Variants in TNRC6C observed in about 807,000 individuals in gnomAD.
The protein encoded by TNRC6C is trinucleotide repeat-containing gene 6C protein.
Under a neutral mutation model 153.7 loss-of-function variants are expected in TNRC6C, and 20 were observed. That is an observed-to-expected ratio of 0.13 (90% confidence interval 0.09 to 0.19). TNRC6C has a LOEUF of 0.19. Ranked by LOEUF, TNRC6C falls within the 10% of genes least tolerant of loss-of-function variation. TNRC6C has a pLI of 1.00. For missense variants in TNRC6C, 1,987 were observed against 2,172.0 expected, an observed-to-expected ratio of 0.91 and a Z score of 1.69; for synonymous variants, 811 against 841.4, an observed-to-expected ratio of 0.96 and a Z score of 0.63.
upstream of TNRC6C, among the ~76,000 whole-genome samples, chr17:77,999,318 G>A (rs1006805012): frequency 6.6e-6 from 1 of 152,208 alleles, no homozygotes; most frequent in Non-Finnish European, 1.5e-5. Flanking sequence ...GCATGGCTGT[G>A]ATTGGGGCCC....
chr17:78,008,432 C>T (rs1184778185), intron 1 of TNRC6C: 1 of 152,240 alleles, frequency 6.6e-6, no homozygotes, highest in Admixed American at 6.5e-5. Flanking sequence ...TTCATACCCC[C>T]ATCCTACCCT....
chr17:78,102,401 A>G (rs1250326060), intron 17 of TNRC6C, 73 bp from the exon 21 acceptor site: 19 of 1,388,064 alleles, frequency 1.4e-5, no homozygotes, highest in Middle Eastern at 2.1e-4. Context: ...CTTCAGCACA[A>G]TAAGAAGTGG....
At chr17:77,993,603 A>G (rs1000620903) in intron 1 of TNRC6C, among the ~76,000 whole-genome samples, 6 of 152,202 alleles carry the variant, frequency 3.9e-5, no homozygotes, top group South Asian at 2.1e-4. Context: ...ATGAATGACT[A>G]AAGACTAAAC....
chr17:78,050,849 G>C (rs779844085), exon 3 of TNRC6C: 44 of 1,613,826 alleles, frequency 2.7e-5, no homozygotes, highest in Non-Finnish European at 3.7e-5. Context: ...AGTGCAGGAG[G>C]GGGAGATTGG....
intron 11 of TNRC6C, among the ~76,000 whole-genome samples, chr17:78,084,621 C>CTTTTT (rs888498648): frequency 2.2e-5 from 3 of 134,196 alleles, no homozygotes; most frequent in Non-Finnish European, 4.8e-5. Flanking sequence ...TTTTCTTTTT[C>CTTTTT]TTTTTTTTTT....
chr17:78,068,679 A>C (rs2072929888), intron 5 of TNRC6C, among the ~76,000 whole-genome samples: 1 of 152,202 alleles, frequency 6.6e-6, no homozygotes, highest in South Asian at 2.1e-4. Flanking sequence ...CTGTAATCCC[A>C]GCTACTCGGG....
chr17:78,107,135 C>T (rs944372570), exon 20 of TNRC6C: 2 of 152,158 alleles, frequency 1.3e-5, no homozygotes, highest in South Asian at 4.1e-4. Context: ...GTATGTGCGT[C>T]CGACATACCA....
At chr17:77,976,931 GAAAAAAAAAAAAAAA>G (rs57726847) in intron 1 of TNRC6C, among the ~76,000 whole-genome samples, 10 of 46,582 alleles carry the variant, frequency 2.1e-4, no homozygotes, top group South Asian at 9.6e-4. Flanking sequence ...CTCCATCTCA[GAAAAAAAAAAAAAAA>G]AAAAAAAAAA....
Position 78,049,713 on chromosome 17 carries a change from C to G in TNRC6C, c.651C>G (p.Ile217Met), listed in dbSNP as rs745847929. The change falls in exon 3 of 20, where the codon ATC (isoleucine) becomes ATG (methionine). Residue 217 changes from isoleucine (I) to methionine (M), a missense_variant. By Grantham distance (10) the Ile-to-Met change is conservative. Transcript: ENST00000301624. This position sits in a 1 kb window ranked among gnomAD's most constrained non-coding sequence, Gnocchi z 4.1. ...GCATGGCTGTTGGTATGGGGGCCATCATCCCGCCCCACCTGCAAGGCCTTC... is the reference window on the plus strand; with the variant it reads ...GCATGGCTGTTGGTATGGGGGCCATGATCCCGCCCCACCTGCAAGGCCTTC... The G allele has an allele frequency of 6.3e-6, 10 of 1,599,386 alleles. No homozygotes were observed. Among genetic ancestry groups the G allele is most frequent in the Non-Finnish European group, 7.7e-6 (9 of 1,171,182 alleles).
chr17:78,105,087 T>C (rs1430000604), exon 20 of TNRC6C: 5 of 420,958 alleles, frequency 1.2e-5, no homozygotes, highest in East Asian at 3.6e-5. Context: ...GTGCGTCTTA[T>C]GTTTGTATAG....
upstream of TNRC6C, chr17:77,959,223 A>C (rs1206527552): frequency 2.1e-5 from 3 of 140,300 alleles, no homozygotes; most frequent in Non-Finnish European, 3.1e-5. Flanking sequence ...GGCCCGCGCC[A>C]CCGGAGCCCC....
At chr17:77,992,182 G>A (rs1432809321) in intron 1 of TNRC6C, among the ~76,000 whole-genome samples, 1 of 152,162 alleles carries the variant, frequency 6.6e-6, no homozygotes, top group Non-Finnish European at 1.5e-5. Flanking sequence ...AGGATTGTTT[G>A]ATTTTCTAAG....
At chr17:78,007,965 T>G (rs1322058010) in intron 1 of TNRC6C, among the ~76,000 whole-genome samples, 1 of 152,240 alleles carries the variant, frequency 6.6e-6, no homozygotes, top group Non-Finnish European at 1.5e-5. Flanking sequence ...AATTTGGATT[T>G]GTTTTAAACA....
At chr17:78,026,503 C>T (rs2071944130) in intron 1 of TNRC6C, among the ~76,000 whole-genome samples, 1 of 152,142 alleles carries the variant, frequency 6.6e-6, no homozygotes, top group Non-Finnish European at 1.5e-5. Flanking sequence ...TAATATGCAT[C>T]CCAGTTTCAG....
At chr17:78,092,046 T>C (rs1170283694) in intron 14 of TNRC6C, among the ~76,000 whole-genome samples, 1 of 152,204 alleles carries the variant, frequency 6.6e-6, no homozygotes, top group Non-Finnish European at 1.5e-5. Flanking sequence ...CAGTCTGTCT[T>C]ACTCCAAACT....
chr17:77,959,173 C>G (rs2070839141), upstream of TNRC6C: 1 of 145,842 alleles, frequency 6.9e-6, no homozygotes, highest in Non-Finnish European at 1.5e-5. Context: ...CGCGCACTCC[C>G]GAGGCCCTCG....
At chr17:77,982,473 GAAATA>G (rs571547698) in intron 1 of TNRC6C, among the ~76,000 whole-genome samples, 1 of 151,844 alleles carries the variant, frequency 6.6e-6, no homozygotes, top group Non-Finnish European at 1.5e-5. Flanking sequence ...AAGGAGAAAG[GAAATA>G]AAATAATAAA....
chr17:78,096,593 A>G (rs1375183984), intron 16 of TNRC6C, among the ~76,000 whole-genome samples: 1 of 152,228 alleles, frequency 6.6e-6, no homozygotes, highest in Non-Finnish European at 1.5e-5. Context: ...TTCACTGCAC[A>G]ACGCCATGTG....
intron 13 of TNRC6C, among the ~76,000 whole-genome samples, chr17:78,090,875 T>C (rs1484669114): frequency 6.6e-6 from 1 of 152,254 alleles, no homozygotes; most frequent in East Asian, 1.9e-4. Context: ...AACTGAATTA[T>C]CCTATCAGTC....
Sources: gnomAD v4.1 joint callset for allele counts (sites outside exome capture counted in the v4.1 genomes callset) on GRCh38, gnomAD v4.1.1 for gene constraint, Gnocchi (gnomAD v3.1) non-coding constraint, MANE v1.5 for transcripts, NCBI Gene and HGNC (gene_info 2026-07-23, HGNC 2026-07-21) for gene names.